Variants in TEX15 observed in about 807,000 individuals in gnomAD.
TEX15 encodes testis expressed 15, meiosis and synapsis associated.
TEX15 carries 171 observed loss-of-function variants against 237.3 expected under a neutral mutation model. That is an observed-to-expected ratio of 0.72 (90% confidence interval 0.64 to 0.82). The LOEUF (loss-of-function observed/expected upper bound fraction) is 0.82. Ranked by LOEUF, TEX15 falls within the 40% of genes least tolerant of loss-of-function variation. The pLI, the probability that TEX15 is intolerant of heterozygous loss-of-function variation, is 0.00. For synonymous variants in TEX15, 1,338 were observed against 1,269.8 expected, an observed-to-expected ratio of 1.05 and a Z score of -1.14; for missense variants, 3,750 against 3,646.5, an observed-to-expected ratio of 1.03 and a Z score of -0.73.
At chr8:30,867,054 CTTTT>C (rs578027524) in intron 5 of TEX15, among the ~76,000 whole-genome samples, 1 of 128,218 alleles carries the variant, frequency 7.8e-6, no homozygotes, top group African/African-American at 2.8e-5. Flanking sequence ...GCTGCCTTTG[CTTTT>C]TTTTTTTTTT....
Position 30,848,826 on chromosome 8 carries a change from A to C in TEX15, c.1341T>G (p.Ser447Arg). ...AAACCTCATTTAAGCCTGCAGTACT[A>C]CTCTGTTCTCCCATACTTTCTTCTC... Reference protein sequence around the residue: ...MRREESMGEQSSTAGLNEVLQ... With the variant: ...MRREESMGEQRSTAGLNEVLQ... The change falls in exon 8 of 11, where the codon AGT becomes AGG. Residue 447 changes from serine to arginine, a missense_variant. By Grantham distance (110) the Ser-to-Arg change is moderately radical. Transcript: ENST00000643185. 6.2e-7 allele frequency: 1 copy of C among 1,613,954 alleles called. No homozygotes were observed. The highest frequency in any genetic ancestry group is 8.5e-7 in the Non-Finnish European group (1 of 1,179,998).
rs750633883 is a variant in TEX15, at chr8:30,843,949, A to G, written c.6218T>C (p.Leu2073Ser). 9.9e-6 allele frequency: 16 copies of G among 1,612,974 alleles called. No homozygotes were observed. The highest frequency in any genetic ancestry group is 2.7e-5 in the African/African-American group (2 of 74,918). ...TTCCATCATCATTTGAAGTTCTACC[A>G]AAGTGTCAACAGCACATGGTTTTAA... ...HTLKPCAVDT[L>S]VELQMMMETI... is the part of the protein sequence containing the mutation. Residue 2073 changes from leucine to serine, a missense_variant, in exon 8 of 11, where the codon TTG becomes TCG. Physicochemically the swap from Leu to Ser is moderately radical, Grantham distance 145 (BLOSUM62 -2). Transcript: ENST00000643185.
chr8:30,848,288 G>A lies in TEX15; in HGVS notation c.1879C>T (p.Leu627=). 1 of 1,612,926 alleles carries A rather than the reference G, an allele frequency of 6.2e-7. No homozygotes were observed. Among genetic ancestry groups the A allele is most frequent in the African/African-American group, 1.3e-5 (1 of 74,876 alleles). The change falls in exon 8 of 11, where the codon CTG becomes TTG. Residue 627 remains leucine (L), a synonymous_variant. Coordinates refer to ENST00000643185, the MANE Select transcript of TEX15 (RefSeq NM_001350162.2). ...NTGKMKNFAD[L]EDSSKHEEKQ... is the part of the protein sequence containing the mutation. ...TCTTCATGTTTGGAACTGTCTTCCA[G>A]GTCAGCGAAGTTTTTCATCTTTCCA... is the stretch of plus-strand genomic sequence containing the variant.
rs1341859918 is a variant in TEX15, at chr8:30,845,320, T to C, written c.4847A>G (p.Asn1616Ser). 1 of 1,612,888 alleles carries C rather than the reference T, an allele frequency of 6.2e-7. No individual in the cohort carries two copies. The highest frequency in any genetic ancestry group is 1.7e-5 in the Admixed American group (1 of 59,884). Residue 1616 changes from asparagine (N) to serine (S), a missense_variant, in exon 8 of 11, where the codon AAT (asparagine) becomes AGT (serine). Physicochemically the swap from Asn to Ser is conservative, Grantham distance 46. Transcript: ENST00000643185. ...TTTTATGCAACTTAAAGATACAGAA[T>C]TACTTTCATTTATTACTTCATTAGC... ...CDANEVINES[N>S]SVSLSCIKEN...
Position 30,842,135 on chromosome 8 carries a change from G to A in TEX15, c.8032C>T (p.Pro2678Ser). Residue 2678 changes from proline (P) to serine (S), a missense_variant, in exon 8 of 11, where the codon CCC becomes TCC. Transcript: ENST00000643185. ...NNKFSISTML[P>S]PVSECINKNI... is the part of the protein sequence containing the mutation. ...TTGTTTATGCACTCTGATACTGGGG[G>A]CAACATCGTAGAAATACTAAATTTA... 1 of 1,613,214 alleles carries A rather than the reference G, an allele frequency of 6.2e-7. No individual in the cohort carries two copies. The highest frequency in any genetic ancestry group is 8.5e-7 in the Non-Finnish European group (1 of 1,179,544).
rs758780989 is a variant in TEX15, at chr8:30,847,174, T to C, written c.2993A>G (p.Asn998Ser). The C allele has an allele frequency of 1.2e-6, 2 of 1,613,874 alleles. No individual in the cohort carries two copies. Reference protein sequence around the residue: ...ASATMPALSLNNDDHQIYQFK... With the variant: ...ASATMPALSLSNDDHQIYQFK... ...CTGGTATATCTGGTGATCGTCATTATTTAGGCTTAATGCAGGCATAGTAGC... is the reference window on the plus strand; with the variant it reads ...CTGGTATATCTGGTGATCGTCATTACTTAGGCTTAATGCAGGCATAGTAGC... The change falls in exon 8 of 11, where the codon AAT (asparagine) becomes AGT (serine). Residue 998 changes from asparagine (N) to serine (S), a missense_variant. Coordinates refer to ENST00000643185, the MANE Select transcript of TEX15 (RefSeq NM_001350162.2).
rs370786311 is a variant in TEX15, at chr8:30,871,898, A to G, written c.302+3039T>C. ...TTTAAATTATCTAAACCCAAAATAC[A>G]ATGGTGGAGGAAAAAATACAATTAA... On this transcript the variant is annotated intron_variant, in intron 4 of 10. Transcript: ENST00000643185. Among the ~76,000 whole-genome samples, 14 of 152,266 alleles carry G rather than the reference A, an allele frequency of 9.2e-5. No homozygotes were observed. The East Asian group carries it at 1.7e-3, about 19-fold the overall frequency.
rs1417289358 is a variant in TEX15 at position 30,847,948 on chromosome 8, G to C, written c.2219C>G (p.Ala740Gly). ...CAGTTCCATTAGCTTTTGAGCAATG[G>C]CTAAACTTGTATGAATGTTACCCTC... The part of the protein sequence containing the change: ...EYEGNIHTSL[A>G]IAQKLMELKL... Residue 740 changes from alanine to glycine, a missense_variant, in exon 8 of 11, where the codon GCC (alanine) becomes GGC (glycine). Physicochemically the swap from Ala to Gly is moderately conservative, Grantham distance 60 (BLOSUM62 0). Coordinates refer to ENST00000643185, the MANE Select transcript of TEX15 (RefSeq NM_001350162.2). The C allele has an allele frequency of 6.2e-7, 1 of 1,613,746 alleles. No homozygotes were observed. Among genetic ancestry groups the C allele is most frequent in the Admixed American group, 1.7e-5 (1 of 59,982 alleles).
chr8:30,844,835 G>A lies in TEX15; in HGVS notation c.5332C>T (p.Leu1778Phe), dbSNP rs769533025. Residue 1778 changes from leucine (L) to phenylalanine (F), a missense_variant, in exon 8 of 11, where the codon CTC (leucine) becomes TTC (phenylalanine). By Grantham distance (22) the Leu-to-Phe change is conservative. Transcript: ENST00000643185. ...TTTGTTTCATTCCCATCTGTATGGA[G>A]GCAATTACCTGAAGAGCACTGTTCT... is the stretch of plus-strand genomic sequence containing the variant. ...KTEQCSSGNC[L>F]HTDGNETNVT... The A allele has an allele frequency of 1.1e-5, 17 of 1,613,422 alleles. No homozygotes were observed. Among genetic ancestry groups the A allele is most frequent in the Admixed American group, 1.7e-5 (1 of 59,988 alleles).
chr8:30,848,627 C>T lies in TEX15; in HGVS notation c.1540G>A (p.Gly514Ser), dbSNP rs768563450. The change falls in exon 8 of 11, where the codon GGC becomes AGC. Residue 514 changes from glycine (G) to serine (S), a missense_variant. Transcript: ENST00000643185. ...NDSQSWAHNM[G>S]SEDYDCIPPN... ...GGTATACAGTCATAGTCCTCAGAGC[C>T]CATGTTGTGAGCCCAAGATTGTGAA... The T allele has an allele frequency of 3.1e-6, 5 of 1,613,946 alleles. No individual in the cohort carries two copies. In the African/African-American group the frequency reaches 6.7e-5, roughly 22 times the overall value.
intron 7 of TEX15, among the ~76,000 whole-genome samples, chr8:30,857,682 C>T (rs1472104593): frequency 6.6e-6 from 1 of 152,170 alleles, no homozygotes; most frequent in Non-Finnish European, 1.5e-5. Context: ...ACTTACTTAG[C>T]ATTTGAGGAA....
chr8:30,876,361 T>C (rs926104952), intron 3 of TEX15, among the ~76,000 whole-genome samples: 1 of 152,240 alleles, frequency 6.6e-6, no homozygotes, highest in South Asian at 2.1e-4. Context: ...CAAATAGCAC[T>C]AGCCAAGAAG....
In TEX15 at chr8:30,906,023, A is replaced by G. The variant is rs73588064; in HGVS notation, c.-86+6856T>C. Among the ~76,000 whole-genome samples, 624 of 150,938 alleles carry G rather than the reference A, an allele frequency of 4.1e-3. 3 individuals are homozygous for G. The highest frequency in any genetic ancestry group is 0.014 in the Middle Eastern group (4 of 292). On this transcript the variant is annotated intron_variant, in intron 1 of 10. Transcript: ENST00000643185. ...TCAGTTTCTTCATACGTAAAATGGG[A>G]AAAAAATAACAGTATTTAGTAGATT...
chr8:30,842,895 TA>T lies in TEX15; in HGVS notation c.7271del (p.Leu2424Ter). The T allele has an allele frequency of 6.2e-7, 1 of 1,609,852 alleles. No homozygotes were observed. ...CATGGCTGTGGTTTATCACCACGTC[TA>T]AAACATTTTCTTCTGTGATAAAAAT... ...DNIFITEENV[L>X]DVVINHSHEA... is the part of the protein sequence containing the mutation. On this transcript the variant is annotated frameshift_variant, in exon 8 of 11. Transcript: ENST00000643185. LOFTEE classifies it high-confidence loss of function.
intron 7 of TEX15, among the ~76,000 whole-genome samples, chr8:30,853,733 G>T (rs943497702): frequency 2.0e-5 from 3 of 151,936 alleles, no homozygotes; most frequent in Non-Finnish European, 4.4e-5. Flanking sequence ...AGTTGCACAT[G>T]GATCATTCTC....
In TEX15 at chr8:30,844,668, A is replaced by G. The variant is rs375130501; in HGVS notation, c.5499T>C (p.Cys1833=). The G allele has an allele frequency of 5.6e-6, 9 of 1,613,190 alleles. No individual in the cohort carries two copies. The East Asian group carries it at 2.0e-4, about 36-fold the overall frequency. Residue 1833 remains cysteine (C), a synonymous_variant, in exon 8 of 11, where the codon TGT becomes TGC. Transcript: ENST00000643185. ...TGTCCTCAGTGTCTTTCTTCACAAT[A>G]CATGTTTCTGAAGAGGAGCCTTTTA... ...DNVKGSSSET[C]IVKKDTEDRI...
chr8:30,890,254 TA>T (rs1808769375), intron 2 of TEX15, among the ~76,000 whole-genome samples: 1 of 151,960 alleles, frequency 6.6e-6, no homozygotes, highest in South Asian at 2.1e-4. Context: ...GAATGTATGT[TA>T]TGAACAACTT....
intron 2 of TEX15, chr8:30,890,466 T>G (rs1421678366): frequency 6.6e-6 from 1 of 152,164 alleles, no homozygotes; most frequent in Non-Finnish European, 1.5e-5. Context: ...TTTGCCATTG[T>G]CTAGCTCACC....
At chr8:30,856,341 CT>C (rs1357139506) in intron 7 of TEX15, among the ~76,000 whole-genome samples, 2 of 151,374 alleles carry the variant, frequency 1.3e-5, no homozygotes, top group Non-Finnish European at 2.9e-5. Context: ...ATCACTTGAG[CT>C]TAGGAGTTTG....
Sources: gnomAD v4.1 joint callset for allele counts (sites outside exome capture counted in the v4.1 genomes callset) on GRCh38, gnomAD v4.1.1 for gene constraint, MANE v1.5 for transcripts, NCBI Gene and HGNC (gene_info 2026-07-23, HGNC 2026-07-21) for gene names.